The following PDXDC1 variants were observed in gnomAD, a reference collection of about 807,000 sequenced individuals.
PDXDC1 encodes pyridoxal-dependent decarboxylase domain-containing protein 1.
In PDXDC1, 42 loss-of-function variants were observed where a neutral mutation model predicts 100.1. The ratio of observed to expected loss-of-function variants is 0.42; its 90% CI spans 0.33 to 0.54. PDXDC1 has a LOEUF of 0.54. PDXDC1 is among the 20% of genes least tolerant of loss of function. PDXDC1 has a pLI of 0.10. For missense variants in PDXDC1, 636 were observed against 979.2 expected (o/e 0.65, Z 4.68); for synonymous variants, 260 against 371.7 (o/e 0.70, Z 3.46).
At chr16:15,128,604 G>T (rs1357876784) in intron 16 of PDXDC1, among the ~76,000 whole-genome samples, 1 of 152,068 alleles carries the variant, frequency 6.6e-6, no homozygotes, top group African/African-American at 2.4e-5. Context: ...TACATGGAAA[G>T]AACTGTAACT....
intron 15 of PDXDC1, 135 bp from the exon 16 acceptor site, chr16:15,029,816 G>A: frequency 1.4e-6 from 1 of 708,164 alleles, no homozygotes; most frequent in South Asian, 1.8e-5. Flanking sequence ...GCTGCTCTAA[G>A]TAATCAGACA....
At chr16:15,024,537 C>T (rs1271608893) in intron 13 of PDXDC1, among the ~76,000 whole-genome samples, 2 of 152,320 alleles carry the variant, frequency 1.3e-5, no homozygotes, top group African/African-American at 4.8e-5. Flanking sequence ...CTCAGCCTCC[C>T]GAGTAGCTGG....
chr16:15,133,751 A>C (rs2048218354), intron 16 of PDXDC1: 25 of 1,596,082 alleles, frequency 1.6e-5, no homozygotes, highest in Non-Finnish European at 2.1e-5. Context: ...GTGACGTCAC[A>C]GTCGGGGGAT....
intron 1 of PDXDC1, among the ~76,000 whole-genome samples, chr16:14,978,852 C>G (rs1006127775): frequency 1.3e-5 from 2 of 152,300 alleles, no homozygotes; most frequent in African/African-American, 2.4e-5. Flanking sequence ...AGTTTCTCAG[C>G]GTCAGCACTA....
intron 13 of PDXDC1, among the ~76,000 whole-genome samples, chr16:15,024,902 G>C (rs1467450563): frequency 9.8e-5 from 15 of 152,404 alleles, no homozygotes; most frequent in African/African-American, 3.4e-4. Flanking sequence ...TTTTCCTATA[G>C]AAGGTTTGTA....
At chr16:14,996,609 C>T (rs1972033829) in intron 1 of PDXDC1, among the ~76,000 whole-genome samples, 1 of 152,276 alleles carries the variant, frequency 6.6e-6, no homozygotes, top group Admixed American at 6.5e-5. Context: ...CACAGTGGCT[C>T]AGCCTGTAAT....
At chr16:15,093,340 A>G (rs1308149851) in intron 16 of PDXDC1, among the ~76,000 whole-genome samples, 2 of 152,210 alleles carry the variant, frequency 1.3e-5, no homozygotes, top group African/African-American at 4.8e-5. Flanking sequence ...AGCTCAAATG[A>G]CAGATGTCTT....
In PDXDC1 at chr16:15,135,133, G is replaced by A. The variant is rs183341921; in HGVS notation, c.1400-3746G>A. On this transcript the variant is annotated intron_variant, in intron 16 of 16. Transcript: ENST00000535621. Reference sequence around the variant, plus strand: ...AGGTTTGGAAGGAAGCAAAGCTGAAGCAGGCTGTCGTGTTACGTAGAATTT... The same window carrying A: ...AGGTTTGGAAGGAAGCAAAGCTGAAACAGGCTGTCGTGTTACGTAGAATTT... The A allele has an allele frequency of 4.5e-3, 3,086 of 692,788 alleles. 17 individuals are homozygous for A. The highest frequency in any genetic ancestry group is 9.4e-3 in the Middle Eastern group (25 of 2,660). The allele number at this position is 692,788 out of a possible 1,614,324, so 42.9% of individuals were successfully genotyped here. A position where few individuals can be genotyped will look rare whatever the true frequency, so the allele number is the denominator to read the frequency against.
At position 15,038,275 on chromosome 16, in the gene PDXDC1, G is replaced by GACATCTTTA; in HGVS notation, c.*2000_*2001insACATCTTTA. The stretch of plus-strand genomic sequence containing the variant: ...TACTGTCCCCTGCTGTGATAAAGAT[G>GACATCTTTA]TCAAAGTATCTTTGTTCTTGGACAC... On this transcript the variant is annotated 3_prime_UTR_variant, in exon 23 of 23. Coordinates refer to ENST00000396410, the MANE Select transcript of PDXDC1 (RefSeq NM_015027.4). 8.8e-7 allele frequency: 1 copy of GACATCTTTA among 1,137,682 alleles called. No individual in the cohort carries two copies. Among genetic ancestry groups the GACATCTTTA allele is most frequent in the Non-Finnish European group, 1.3e-6 (1 of 780,710 alleles). 70.5% of individuals were successfully genotyped at this position (1,137,682 alleles called of 1,614,324 possible).
rs2045905096 is a variant in PDXDC1 at position 15,086,061 on chromosome 16, A to G, written c.1400-52818A>G. On this transcript the variant is annotated intron_variant, in intron 16 of 16. Coordinates refer to the PDXDC1 transcript ENST00000535621. ...CTTCCATGGTAGCAGTCTCTCATATATAAGGGGAAGGTAGTATTTTAATAA... is the reference window on the plus strand; with the variant it reads ...CTTCCATGGTAGCAGTCTCTCATATGTAAGGGGAAGGTAGTATTTTAATAA... 4.2e-6 allele frequency: 6 copies of G among 1,438,128 alleles called. No individual in the cohort carries two copies. The South Asian group carries it at 6.5e-5, about 16-fold the overall frequency. The allele number at this position is 1,438,128 out of a possible 1,614,324, so 89.1% of individuals were successfully genotyped here.
chr16:15,152,124 C>G, the PDXDC1 span, among the ~76,000 whole-genome samples: 38 of 143,116 alleles, frequency 2.7e-4, no homozygotes, highest in East Asian at 7.0e-3. Context: ...CACCTCTCGG[C>G]AGCATCATTA....
intron 16 of PDXDC1, chr16:15,083,616 C>A: frequency 6.3e-7 from 1 of 1,587,040 alleles, no homozygotes; most frequent in Non-Finnish European, 8.6e-7. Context: ...TCCATGTTAA[C>A]TTTACTTTCT....
intron 13 of PDXDC1, chr16:15,025,099 C>T (rs1225263207): frequency 6.6e-6 from 1 of 152,400 alleles, no homozygotes; most frequent in African/African-American, 2.4e-5. Flanking sequence ...CATGGTTTAA[C>T]CTTTTTTTGG....
intron 16 of PDXDC1, chr16:15,137,434 G>C (rs1034373744): frequency 1.5e-6 from 2 of 1,302,750 alleles, no homozygotes; most frequent in Non-Finnish European, 1.1e-6. Flanking sequence ...AGAAGCAGAA[G>C]GCGCTGCAGG....
intron 16 of PDXDC1, chr16:15,129,742 G>A (rs9934059): frequency 0.054 from 33,615 of 618,430 alleles, 1,435 homozygotes; most frequent in African/African-American, 0.17. Context: ...GTCATTCCCA[G>A]GATGAACACA....
At chr16:15,109,068 C>A (rs1325987896) in intron 16 of PDXDC1, 1 of 134,936 alleles carries the variant, frequency 7.4e-6, no homozygotes, top group Admixed American at 7.8e-5. Flanking sequence ...GAAGTAGACT[C>A]CCATCTCTTC....
intron 12 of PDXDC1, among the ~76,000 whole-genome samples, chr16:15,020,060 C>T (rs1321076571): frequency 2.1e-5 from 3 of 141,898 alleles, no homozygotes; most frequent in Non-Finnish European, 3.0e-5. Context: ...TGCAGTGAGC[C>T]GAGATCGCGC....
intron 3 of PDXDC1, among the ~76,000 whole-genome samples, chr16:15,001,346 G>A (rs1288928815): frequency 3.3e-5 from 5 of 152,276 alleles, no homozygotes; most frequent in Non-Finnish European, 7.3e-5. Flanking sequence ...AAAATTAGCC[G>A]AGCGTGGTGG....
intron 16 of PDXDC1, among the ~76,000 whole-genome samples, chr16:15,106,679 T>C: frequency 7.0e-6 from 1 of 143,564 alleles, no homozygotes; most frequent in African/African-American, 2.5e-5. Flanking sequence ...CACTTGAACC[T>C]GGGAGGCGGA....
Sources: allele counts gnomAD v4.1 joint callset (sites outside exome capture counted in the v4.1 genomes callset), GRCh38; gene constraint gnomAD v4.1.1; transcripts MANE v1.5; gene names NCBI Gene and HGNC (gene_info 2026-07-23, HGNC 2026-07-21).